SLC46A1: variants seen among roughly 807,000 people sequenced by gnomAD.
The protein encoded by SLC46A1 is solute carrier family 46 member 1.
Under a neutral mutation model 32.1 loss-of-function variants are expected in SLC46A1, and 17 were observed. That is an observed-to-expected ratio of 0.53 (90% CI 0.36 to 0.79). The LOEUF is 0.79. Among genes scored for constraint, SLC46A1 ranks in the 30% least tolerant of loss-of-function variants. The probability of loss-of-function intolerance (pLI) is 0.00; values close to 1 mark genes in which losing one functional copy is unlikely to be tolerated. For missense variants in SLC46A1, 517 were observed against 588.2 expected, an observed-to-expected ratio of 0.88 and a Z score of 1.25; for synonymous variants, 240 against 262.7, an observed-to-expected ratio of 0.91 and a Z score of 0.84.
At position 28,396,053 on chromosome 17, in the gene SLC46A1, G is replaced by C; in HGVS notation, c.*3603C>G. ...TGAGCCCCAGGGCCCTGGGACCAGG[G>C]GGGTAGGGTACAAATCACCATGACA... On this transcript the variant is annotated 3_prime_UTR_variant, in exon 5 of 5. Transcript: ENST00000612814. The C allele has an allele frequency of 6.2e-7, 1 of 1,613,686 alleles. No individual in the cohort carries two copies. The highest frequency in any genetic ancestry group is 8.5e-7 in the Non-Finnish European group (1 of 1,179,768).
rs2068187350 is a variant in SLC46A1 at position 28,400,755 on chromosome 17, A to G, written c.1177T>C (p.Ser393Pro). 6.4e-7 allele frequency: 1 copy of G among 1,574,146 alleles called. No homozygotes were observed. Among genetic ancestry groups the G allele is most frequent in the Non-Finnish European group, 8.6e-7 (1 of 1,159,548 alleles). The change falls in exon 4 of 5, where the codon TCT becomes CCT. Residue 393 changes from serine to proline, a missense_variant. Physicochemically the swap from Ser to Pro is moderately conservative, Grantham distance 74. Transcript: ENST00000612814. ...VRETEQGALF[S>P]AVACVNSLAM... ...AGGCTATTCACACAGGCCACAGCAG[A>G]AAAGAGAGCACCTGTGAAGAAATAA...
At chr17:28,400,851 G>A in intron 3 of SLC46A1, 85 bp from the exon 4 acceptor site, 1 of 1,272,182 alleles carries the variant, frequency 7.9e-7, no homozygotes, top group Non-Finnish European at 1.1e-6. Flanking sequence ...TGTGTGACCG[G>A]GAGTAGTCAC....
intron 1 of SLC46A1, 192 bp downstream of exon 1, chr17:28,405,694 CT>C: frequency 3.2e-6 from 3 of 952,006 alleles, no homozygotes; most frequent in African/African-American, 1.7e-5. Flanking sequence ...CAAGGCCAGA[CT>C]TTAGCTCAGC....
chr17:28,406,334 C>G (rs41297063), upstream of SLC46A1: 3 of 416,906 alleles, frequency 7.2e-6, no homozygotes, highest in Non-Finnish European at 1.2e-5. This position sits in a 1 kb window ranked among gnomAD's most constrained non-coding sequence, Gnocchi z 4.5. Flanking sequence ...CCCGGCACCC[C>G]CAGCCCGCGG....
At position 28,404,758 on chromosome 17, in the gene SLC46A1, G is replaced by C. The variant is rs782759439; in HGVS notation, c.939C>G (p.Leu313=). 11 of 1,613,948 alleles carry C rather than the reference G, an allele frequency of 6.8e-6. No homozygotes were observed. In the African/African-American group the frequency reaches 1.5e-4, roughly 22 times the overall value. The change falls in exon 2 of 5, where the codon CTC becomes CTG. Residue 313 remains leucine (L), a synonymous_variant. Transcript: ENST00000612814. ...LIGYGSAAQH[L]PYLTSLLALK... is the part of the protein sequence containing the mutation. ...GGGCCAGCAGGCTGGTGAGGTAGGG[G>C]AGATGCTGAGCTGCAGAACCATAGC...
Position 28,405,297 on chromosome 17 carries a change from CA to C in SLC46A1, c.399del (p.Phe133LeufsTer87). 1.3e-6 allele frequency: 2 copies of C among 1,589,366 alleles called. No individual in the cohort carries two copies. The highest frequency in any genetic ancestry group is 1.7e-6 in the Non-Finnish European group (2 of 1,168,594). On this transcript the variant is annotated frameshift_variant, in exon 2 of 5. Coordinates refer to ENST00000612814, the MANE Select transcript of SLC46A1 (RefSeq NM_080669.6). LOFTEE classifies it high-confidence loss of function. ...GLLLQALVSV[F>X]VVQLQLHVGY... is the part of the protein sequence containing the mutation. ...CCGACGTGGAGCTGCAGCTGCACCA[CA>C]AAAACGGACACTAGGGCCTGGAGCA...
rs1032769274 is a variant in SLC46A1, at chr17:28,406,183, G to A, written c.-69C>T. On this transcript the variant is annotated 5_prime_UTR_variant, in exon 1 of 5. Coordinates refer to ENST00000612814, the MANE Select transcript of SLC46A1 (RefSeq NM_080669.6). This position sits in a 1 kb window ranked among gnomAD's most constrained non-coding sequence, Gnocchi z 4.5. ...GCGAGCGACTCGCTGCCTGGGACCA[G>A]CGACGCGTGGCGTGGGGCTTGCGCT... The A allele has an allele frequency of 1.6e-5, 19 of 1,180,652 alleles. No homozygotes were observed. In the African/African-American group the frequency reaches 2.4e-4, roughly 15 times the overall value. The allele number at this position is 1,180,652 out of a possible 1,614,324, so 73.1% of individuals were successfully genotyped here.
chr17:28,395,895 CT>C lies in SLC46A1; in HGVS notation c.*3760del. The C allele has an allele frequency of 6.2e-7, 1 of 1,613,586 alleles. No homozygotes were observed. Among genetic ancestry groups the C allele is most frequent in the South Asian group, 1.1e-5 (1 of 91,080 alleles). On this transcript the variant is annotated 3_prime_UTR_variant, in exon 5 of 5. Coordinates refer to ENST00000612814, the MANE Select transcript of SLC46A1 (RefSeq NM_080669.6). Reference sequence around the variant, plus strand: ...CAGGGGTATCTTCCTCCTTTCCTTTCTTTCTCCAGGAGATTGTGACTGCTTT... The same window carrying C: ...CAGGGGTATCTTCCTCCTTTCCTTTCTTCTCCAGGAGATTGTGACTGCTTT...
intron 1 of SLC46A1, 34 bp downstream of exon 1, chr17:28,405,853 C>A (rs1555591246): frequency 2.0e-6 from 3 of 1,536,360 alleles, no homozygotes; most frequent in Middle Eastern, 2.3e-4. Context: ...AGACCAGGGC[C>A]CTCCACCTGC....
At position 28,399,599 on chromosome 17, in the gene SLC46A1, C is replaced by A; in HGVS notation, c.*57G>T. The A allele has an allele frequency of 6.3e-7, 1 of 1,582,008 alleles. No homozygotes were observed. Among genetic ancestry groups the A allele is most frequent in the Non-Finnish European group, 8.7e-7 (1 of 1,151,438 alleles). On this transcript the variant is annotated 3_prime_UTR_variant, in exon 5 of 5. Transcript: ENST00000612814. ...GGGCTGGGCTTCCAGCTGCAGACCT[C>A]CAGTTGCTTGGTGTTCACTTTGCTC...
chr17:28,395,636 T>G lies in SLC46A1; in HGVS notation c.*4020A>C. 2.7e-6 allele frequency: 1 copy of G among 376,006 alleles called. No homozygotes were observed. Among genetic ancestry groups the G allele is most frequent in the South Asian group, 3.4e-5 (1 of 29,770 alleles). 23.3% of individuals were successfully genotyped at this position (376,006 alleles called of 1,614,324 possible). A position where few individuals can be genotyped will look rare whatever the true frequency, so the allele number is the denominator to read the frequency against. Reference sequence around the variant, plus strand: ...CCCATAGCACCCCCCGGGCCCCCAGTGGGGAATCATCTCTTTAGCATACAA... The same window carrying G: ...CCCATAGCACCCCCCGGGCCCCCAGGGGGGAATCATCTCTTTAGCATACAA... On this transcript the variant is annotated 3_prime_UTR_variant, in exon 5 of 5. Transcript: ENST00000612814.
intron 4 of SLC46A1, chr17:28,400,271 G>T: frequency 3.3e-6 from 1 of 303,086 alleles, no homozygotes; most frequent in Non-Finnish European, 6.3e-6. Flanking sequence ...ACAACTAGCT[G>T]ACAAAGCTTC....
At position 28,397,906 on chromosome 17, in the gene SLC46A1, T is replaced by C. The variant is rs1188162663; in HGVS notation, c.*1750A>G. On this transcript the variant is annotated 3_prime_UTR_variant, in exon 5 of 5. Coordinates refer to ENST00000612814, the MANE Select transcript of SLC46A1 (RefSeq NM_080669.6). ...CTGTGCTGGCCAGGTGACTCCTAGT[T>C]CTTGGCCACATCATCAGAAAGTCAA... 6.6e-6 allele frequency: 1 copy of C among 152,614 alleles called. No individual in the cohort carries two copies. Among genetic ancestry groups the C allele is most frequent in the Non-Finnish European group, 1.5e-5 (1 of 68,356 alleles). 9.5% of individuals were successfully genotyped at this position (152,614 alleles called of 1,614,324 possible). A position where few individuals can be genotyped will look rare whatever the true frequency, so the allele number is the denominator to read the frequency against.
At position 28,405,872 on chromosome 17, in the gene SLC46A1, T is replaced by A; in HGVS notation, c.228+15A>T. 2 of 1,551,646 alleles carry A rather than the reference T, an allele frequency of 1.3e-6. No individual in the cohort carries two copies. Among genetic ancestry groups the A allele is most frequent in the Non-Finnish European group, 1.7e-6 (2 of 1,148,056 alleles). ...CAGGGCCCTCCACCTGCCAGGCTCC[T>A]CGCCGCCCCGCTACCTGCATGGTGG... On this transcript the variant is annotated intron_variant, in intron 1 of 4. Coordinates refer to ENST00000612814, the MANE Select transcript of SLC46A1 (RefSeq NM_080669.6).
rs781857635 is a variant in SLC46A1 at position 28,399,516 on chromosome 17, T to C, written c.*140A>G. 2 of 834,062 alleles carry C rather than the reference T, an allele frequency of 2.4e-6. No individual in the cohort carries two copies. The highest frequency in any genetic ancestry group is 3.4e-5 in the African/African-American group (2 of 59,266). The allele number at this position is 834,062 out of a possible 1,614,324, so 51.7% of individuals were successfully genotyped here. On this transcript the variant is annotated 3_prime_UTR_variant, in exon 5 of 5. Coordinates refer to ENST00000612814, the MANE Select transcript of SLC46A1 (RefSeq NM_080669.6). ...GGATGGGGTGGTGCCTTGGTCTCTC[T>C]TGACTACCTCGTCCAAAGAGAGCAC...
chr17:28,395,781 A>T lies in SLC46A1; in HGVS notation c.*3875T>A. On this transcript the variant is annotated 3_prime_UTR_variant, in exon 5 of 5. Coordinates refer to ENST00000612814, the MANE Select transcript of SLC46A1 (RefSeq NM_080669.6). ...AGGGTTAAGGTAGACATCAAGGTGG[A>T]CATCAGGACTGGTGTCCTGCCCTGG... is the stretch of plus-strand genomic sequence containing the variant. The T allele has an allele frequency of 1.1e-6, 1 of 929,278 alleles. No individual in the cohort carries two copies. The highest frequency in any genetic ancestry group is 1.7e-6 in the Non-Finnish European group (1 of 591,872). 57.6% of individuals were successfully genotyped at this position (929,278 alleles called of 1,614,324 possible).
chr17:28,395,903 A>G lies in SLC46A1; in HGVS notation c.*3753T>C. On this transcript the variant is annotated 3_prime_UTR_variant, in exon 5 of 5. Transcript: ENST00000612814. The stretch of plus-strand genomic sequence containing the variant: ...TCTTCCTCCTTTCCTTTCTTTCTCC[A>G]GGAGATTGTGACTGCTTTAAGCTGC... The G allele has an allele frequency of 2.5e-6, 4 of 1,613,662 alleles. No individual in the cohort carries two copies. The highest frequency in any genetic ancestry group is 3.4e-6 in the Non-Finnish European group (4 of 1,179,850).
upstream of SLC46A1, chr17:28,406,572 T>C (rs2068264365): frequency 6.4e-6 from 1 of 155,928 alleles, no homozygotes; most frequent in East Asian, 1.9e-4. This position sits in a 1 kb window ranked among gnomAD's most constrained non-coding sequence, Gnocchi z 4.5. Context: ...CATCGGGTAC[T>C]CAAGGCAGAG....
At position 28,395,836 on chromosome 17, in the gene SLC46A1, C is replaced by G; in HGVS notation, c.*3820G>C. 1 of 1,592,392 alleles carries G rather than the reference C, an allele frequency of 6.3e-7. No homozygotes were observed. The highest frequency in any genetic ancestry group is 8.6e-7 in the Non-Finnish European group (1 of 1,168,882). On this transcript the variant is annotated 3_prime_UTR_variant, in exon 5 of 5. Coordinates refer to ENST00000612814, the MANE Select transcript of SLC46A1 (RefSeq NM_080669.6). ...AGCCTCGGGCCAGTGGGCCTCCCAGCACCTGCCTGGCTACAAGGGTCCCTA... is the reference window on the plus strand; with the variant it reads ...AGCCTCGGGCCAGTGGGCCTCCCAGGACCTGCCTGGCTACAAGGGTCCCTA...
Sources: allele counts gnomAD v4.1 joint callset, GRCh38; gene constraint gnomAD v4.1.1; non-coding constraint Gnocchi (gnomAD v3.1); transcripts MANE v1.5; gene names NCBI Gene and HGNC (gene_info 2026-07-23, HGNC 2026-07-21).